Variants in ADARB1 observed in about 807,000 individuals in gnomAD.
ADARB1 encodes the protein double-stranded RNA-specific editase 1.
Under a neutral mutation model 52.4 loss-of-function variants are expected in ADARB1, and 10 were observed. The ratio of observed to expected loss-of-function variants is 0.19; its 90% CI spans 0.12 to 0.32. ADARB1 has a LOEUF of 0.32. ADARB1 is among the 10% of genes least tolerant of loss of function. ADARB1 has a pLI of 1.00. For missense variants in ADARB1, 643 were observed against 922.3 expected, an observed-to-expected ratio of 0.70 and a Z score of 3.92; for synonymous variants, 349 against 371.1, an observed-to-expected ratio of 0.94 and a Z score of 0.68.
At chr21:45,080,515 G>A (rs777258234) in intron 1 of ADARB1, among the ~76,000 whole-genome samples, 4 of 152,208 alleles carry the variant, frequency 2.6e-5, no homozygotes, top group Non-Finnish European at 5.9e-5. Context: ...TTTGAAAGGA[G>A]GATAGGAAAT....
In ADARB1 at chr21:45,176,198, C is replaced by T; in HGVS notation, c.497C>T (p.Thr166Ile). The change falls in exon 4 of 11, where the codon ACA (threonine) becomes ATA (isoleucine). Residue 166 changes from threonine (T) to isoleucine (I), a missense_variant. Thr to Ile is a moderately conservative substitution (Grantham distance 89, BLOSUM62 -1). Around this residue, in one of 2 missense-constraint regions of ADARB1, gnomAD observed 380 missense variants for 446.5 expected, o/e 0.85. Transcript: ENST00000348831. This position sits in a 1 kb window ranked among gnomAD's most constrained non-coding sequence, Gnocchi z 5.8. ...GRTLSVNTDFTSDQADFPDTL... is the reference protein window; with the variant it reads ...GRTLSVNTDFISDQADFPDTL... Reference sequence around the variant, plus strand: ...ACCCTGTCTGTCAACACGGACTTCACATCTGACCAGGCCGACTTCCCTGAC... The same window carrying T: ...ACCCTGTCTGTCAACACGGACTTCATATCTGACCAGGCCGACTTCCCTGAC... 3 of 1,614,248 alleles carry T rather than the reference C, an allele frequency of 1.9e-6. No homozygotes were observed. Among genetic ancestry groups the T allele is most frequent in the Non-Finnish European group, 1.7e-6 (2 of 1,180,056 alleles).
At chr21:45,211,509 A>G (rs1189411951) in intron 9 of ADARB1, among the ~76,000 whole-genome samples, 1 of 152,236 alleles carries the variant, frequency 6.6e-6, no homozygotes, top group African/African-American at 2.4e-5. Flanking sequence ...AACCCATAAT[A>G]ACCCTAAAAT....
Position 45,182,568 on chromosome 21 carries a change from CT to C in ADARB1, c.1079-4del, listed in dbSNP as rs373179300. ...CTGTGAATTACAGAAAATAGTGTCT[CT>C]TTTTTTTTTTTTCAGGCACAGATGT... On this transcript the variant is annotated splice_polypyrimidine_tract_variant and intron_variant, in intron 5 of 10. Transcript: ENST00000348831. 0.11 allele frequency: 110,569 copies of C among 1,027,294 alleles called. No homozygotes were observed. The highest frequency in any genetic ancestry group is 0.15 in the South Asian group (8,555 of 56,148). 63.6% of individuals were successfully genotyped at this position (1,027,294 alleles called of 1,614,324 possible).
chr21:45,103,166 C>T (rs370673688), intron 1 of ADARB1, among the ~76,000 whole-genome samples: 2 of 152,076 alleles, frequency 1.3e-5, no homozygotes, highest in Admixed American at 6.5e-5. Context: ...CTCAATGTCA[C>T]GTGGGATCCT....
chr21:45,114,277 G>A (rs987034366), intron 1 of ADARB1, among the ~76,000 whole-genome samples: 3 of 152,130 alleles, frequency 2.0e-5, no homozygotes, highest in Non-Finnish European at 4.4e-5. Flanking sequence ...TGTCAAGTCA[G>A]GACACATGTA....
At chr21:45,082,731 A>G (rs1320058091) in intron 1 of ADARB1, among the ~76,000 whole-genome samples, 1 of 152,174 alleles carries the variant, frequency 6.6e-6, no homozygotes, top group East Asian at 1.9e-4. Context: ...TGATCTTAGG[A>G]TGTTGCTATT....
intron 1 of ADARB1, among the ~76,000 whole-genome samples, chr21:45,118,209 T>C (rs1399636527): frequency 2.0e-5 from 3 of 152,228 alleles, no homozygotes; most frequent in East Asian, 1.9e-4. Context: ...CAGTTTCTCT[T>C]TAGGTGTCCG....
At chr21:45,191,091 G>A (rs1401865869) in intron 8 of ADARB1, among the ~76,000 whole-genome samples, 3 of 152,300 alleles carry the variant, frequency 2.0e-5, no homozygotes, top group Admixed American at 6.5e-5. Context: ...CTCTATGGGG[G>A]AAAGAGGGCC....
intron 2 of ADARB1, among the ~76,000 whole-genome samples, chr21:45,152,221 A>T (rs79023058): frequency 0.015 from 2,210 of 149,562 alleles, 47 homozygotes; most frequent in African/African-American, 0.051. Flanking sequence ...TCTTTTATTG[A>T]TAGATTTTTT....
In ADARB1 at chr21:45,128,949, G is replaced by A. The variant is rs1358895921; in HGVS notation, c.-48+376G>A. 6.6e-6 allele frequency among the ~76,000 whole-genome samples: 1 copy of A among 152,140 alleles called. No homozygotes were observed. The highest frequency in any genetic ancestry group is 1.5e-5 in the Non-Finnish European group (1 of 68,028). ...TTACCATCAATTATTATTTTCTTAG[G>A]AGTAATTAAAAGAAAATTTTCCTGT... On this transcript the variant is annotated intron_variant, in intron 2 of 10. Coordinates refer to ENST00000348831, the MANE Select transcript of ADARB1 (RefSeq NM_001112.4). The surrounding 1 kb of genome is among the most constrained non-coding windows in gnomAD (Gnocchi z 4.6).
intron 1 of ADARB1, among the ~76,000 whole-genome samples, chr21:45,105,054 G>A (rs1161093525): frequency 6.6e-6 from 1 of 151,602 alleles, no homozygotes; most frequent in Admixed American, 6.6e-5. Flanking sequence ...TTTCTGTTAC[G>A]CTTAGCATGC....
At chr21:45,178,822 A>C (rs1316530057) in intron 4 of ADARB1, among the ~76,000 whole-genome samples, 1 of 152,148 alleles carries the variant, frequency 6.6e-6, no homozygotes, top group Non-Finnish European at 1.5e-5. Flanking sequence ...CAGGTTAATG[A>C]GACCAGTAAT....
At chr21:45,103,631 C>T (rs938080593) in intron 1 of ADARB1, among the ~76,000 whole-genome samples, 1 of 152,100 alleles carries the variant, frequency 6.6e-6, no homozygotes, top group Non-Finnish European at 1.5e-5. Context: ...AGAACTGATT[C>T]TCTGAAGCCC....
chr21:45,131,832 T>C (rs1184784116), intron 2 of ADARB1, among the ~76,000 whole-genome samples: 1 of 152,196 alleles, frequency 6.6e-6, no homozygotes, highest in African/African-American at 2.4e-5. Flanking sequence ...AGCGTGGAGG[T>C]GCCCTCCCTG....
chr21:45,087,382 T>A (rs2086387345), intron 1 of ADARB1, among the ~76,000 whole-genome samples: 1 of 152,146 alleles, frequency 6.6e-6, no homozygotes, highest in African/African-American at 2.4e-5. Flanking sequence ...CACGTGGATG[T>A]GAATGAGGCA....
Position 45,142,322 on chromosome 21 carries a change from CT to C in ADARB1, c.-48+13752del, listed in dbSNP as rs1471961866. On this transcript the variant is annotated intron_variant, in intron 2 of 10. Coordinates refer to ENST00000348831, the MANE Select transcript of ADARB1 (RefSeq NM_001112.4). The surrounding 1 kb of genome is among the most constrained non-coding windows in gnomAD (Gnocchi z 4.0). ...ACCCTAAGTTGCATGGTAAAGTCAC[CT>C]TTAAAGCCAATGGAAAAAGCTTAAT... Among the ~76,000 whole-genome samples, 2 of 152,162 alleles carry C rather than the reference CT, an allele frequency of 1.3e-5. No individual in the cohort carries two copies. The highest frequency in any genetic ancestry group is 6.5e-5 in the Admixed American group (1 of 15,278).
chr21:45,179,106 T>C (rs988103834), intron 4 of ADARB1, among the ~76,000 whole-genome samples: 2 of 152,158 alleles, frequency 1.3e-5, no homozygotes, highest in Admixed American at 6.5e-5. Context: ...CCAATTGGAA[T>C]GCGTCGCCCC....
At chr21:45,111,017 G>A (rs1289581731) in intron 1 of ADARB1, among the ~76,000 whole-genome samples, 3 of 152,154 alleles carry the variant, frequency 2.0e-5, no homozygotes, top group Non-Finnish European at 4.4e-5. Flanking sequence ...CAGTGACTTG[G>A]AAGACAATCA....
At chr21:45,219,135 AT>A (rs1264760237) in intron 9 of ADARB1, among the ~76,000 whole-genome samples, 1 of 152,264 alleles carries the variant, frequency 6.6e-6, no homozygotes, top group Non-Finnish European at 1.5e-5. Context: ...AGATAAAAAA[AT>A]GTTTAAAGAT....
Sources: allele counts gnomAD v4.1 joint callset (sites outside exome capture counted in the v4.1 genomes callset), GRCh38; gene constraint gnomAD v4.1.1; regional missense constraint gnomAD v4.1.1; non-coding constraint Gnocchi (gnomAD v3.1); transcripts MANE v1.5; gene names NCBI Gene and HGNC (gene_info 2026-07-23, HGNC 2026-07-21).